Variants in PIK3C2G observed in about 807,000 individuals in gnomAD.
PIK3C2G encodes the protein phosphatidylinositol 3-kinase C2 domain-containing subunit gamma.
Under a neutral mutation model 181.1 loss-of-function variants are expected in PIK3C2G, and 168 were observed. That is an observed-to-expected ratio of 0.93 (90% CI 0.82 to 1.05). The LOEUF (loss-of-function observed/expected upper bound fraction) is 1.05, where lower values mean the gene tolerates loss of function less well. PIK3C2G is among the 50% of genes least tolerant of loss of function. The probability of loss-of-function intolerance (pLI) is 0.00; values close to 1 mark genes in which losing one functional copy is unlikely to be tolerated. For missense variants in PIK3C2G, 1,869 were observed against 1,732.8 expected (o/e 1.08, Z -1.40); for synonymous variants, 573 against 592.2 (o/e 0.97, Z 0.47).
rs112265088 is a variant in PIK3C2G at position 18,605,498 on chromosome 12, T to C, written c.4088-4037T>C. On this transcript the variant is annotated intron_variant, in intron 30 of 32. Transcript: ENST00000538779. Reference sequence around the variant, plus strand: ...ATCCTTTTGACACTATTCCACAAGATAGAGAAAGAAGGACCTCTCCCTAAT... The same window carrying C: ...ATCCTTTTGACACTATTCCACAAGACAGAGAAAGAAGGACCTCTCCCTAAT... Among the ~76,000 whole-genome samples the C allele has an allele frequency of 5.8e-3, 880 of 152,206 alleles. 4 individuals are homozygous for C. The highest frequency in any genetic ancestry group is 0.032 in the South Asian group (152 of 4,816).
chr12:18,262,614 C>CAA (rs778968769), intron 1 of PIK3C2G, among the ~76,000 whole-genome samples: 9,342 of 95,020 alleles, frequency 0.098, 812 homozygotes, highest in East Asian at 0.52. Context: ...AGTGAGCTGA[C>CAA]AAAAAAAAAA....
the PIK3C2G span, among the ~76,000 whole-genome samples, chr12:18,724,520 G>T: frequency 0.21 from 31,777 of 151,968 alleles, 3,577 homozygotes; most frequent in East Asian, 0.31. Flanking sequence ...AATGCAAGAA[G>T]CATGTGTTGA....
At chr12:18,383,400 G>A (rs1369825468) in intron 14 of PIK3C2G, among the ~76,000 whole-genome samples, 1 of 152,150 alleles carries the variant, frequency 6.6e-6, no homozygotes, top group African/African-American at 2.4e-5. Flanking sequence ...AACACAGCGA[G>A]AATAGCAATG....
At chr12:18,704,906 T>A in the PIK3C2G span, among the ~76,000 whole-genome samples, 1 of 152,132 alleles carries the variant, frequency 6.6e-6, no homozygotes. Context: ...TACTAATTGC[T>A]TTGATATTGT....
the PIK3C2G span, among the ~76,000 whole-genome samples, chr12:18,659,616 C>A: frequency 4.7e-5 from 7 of 150,442 alleles, no homozygotes; most frequent in South Asian, 1.5e-3. Context: ...ATTTCATTTA[C>A]GTGTCAGGCC....
chr12:18,524,080 T>C (rs557553660), intron 24 of PIK3C2G, among the ~76,000 whole-genome samples: 2 of 152,340 alleles, frequency 1.3e-5, no homozygotes, highest in South Asian at 4.1e-4. Flanking sequence ...TTTCTTTTTT[T>C]CTAAATGAGC....
chr12:18,291,189 A>G (rs927024218), intron 4 of PIK3C2G, among the ~76,000 whole-genome samples, 177 bp downstream of exon 4: 21 of 152,212 alleles, frequency 1.4e-4, no homozygotes, highest in African/African-American at 4.6e-4. Context: ...GGAAAGCAAA[A>G]CTATTTTCTT....
intron 14 of PIK3C2G, among the ~76,000 whole-genome samples, chr12:18,387,448 G>A (rs2138018019): frequency 6.6e-6 from 1 of 152,212 alleles, no homozygotes; most frequent in South Asian, 2.1e-4. Context: ...TGAAAATGCT[G>A]TCGTTTCTGA....
chr12:18,630,980 C>A (rs1949327316), intron 31 of PIK3C2G, among the ~76,000 whole-genome samples: 1 of 151,214 alleles, frequency 6.6e-6, no homozygotes, highest in East Asian at 1.9e-4. Flanking sequence ...AAAATGCAGC[C>A]AGAGTTTAAA....
intron 15 of PIK3C2G, among the ~76,000 whole-genome samples, chr12:18,399,073 T>A (rs1324471319): frequency 6.7e-6 from 1 of 149,418 alleles, no homozygotes; most frequent in Non-Finnish European, 1.5e-5. Flanking sequence ...CGGGCGCCTG[T>A]AGTCCCAGCT....
intron 18 of PIK3C2G, among the ~76,000 whole-genome samples, chr12:18,451,591 G>A (rs1348718732): frequency 6.6e-6 from 1 of 152,068 alleles, no homozygotes; most frequent in African/African-American, 2.4e-5. Context: ...GATTGCCCTA[G>A]CCAGAACTTC....
chr12:18,511,236 CATTT>C (rs1438467050), intron 24 of PIK3C2G, among the ~76,000 whole-genome samples: 4 of 152,094 alleles, frequency 2.6e-5, no homozygotes, highest in Non-Finnish European at 4.4e-5. Flanking sequence ...CATTGATGGA[CATTT>C]ATTTGTTTCC....
chr12:18,345,508 G>A (rs1939586230), intron 10 of PIK3C2G, among the ~76,000 whole-genome samples: 1 of 152,142 alleles, frequency 6.6e-6, no homozygotes, highest in South Asian at 2.1e-4. Flanking sequence ...ATTATAGACA[G>A]ACGTACTGAG....
intron 6 of PIK3C2G, among the ~76,000 whole-genome samples, chr12:18,316,916 G>A (rs1289051454): frequency 4.0e-5 from 6 of 151,830 alleles, no homozygotes; most frequent in Admixed American, 3.9e-4. Context: ...TTCAGGGGAT[G>A]CAACTGACAC....
At chr12:18,694,357 A>G in the PIK3C2G span, among the ~76,000 whole-genome samples, 1 of 152,186 alleles carries the variant, frequency 6.6e-6, no homozygotes, top group Admixed American at 6.5e-5. Flanking sequence ...TGCAGAGGAA[A>G]AGGGAATATG....
At chr12:18,639,556 G>A (rs559937680) in intron 31 of PIK3C2G, among the ~76,000 whole-genome samples, 1 of 152,230 alleles carries the variant, frequency 6.6e-6, no homozygotes, top group Admixed American at 6.5e-5. Flanking sequence ...TTACTCTACA[G>A]TTGGTCAAGA....
chr12:18,257,470 T>C (rs910445162), upstream of PIK3C2G, among the ~76,000 whole-genome samples: 5 of 152,062 alleles, frequency 3.3e-5, no homozygotes, highest in Non-Finnish European at 7.4e-5. Flanking sequence ...CTATTGCAGA[T>C]GAACAATCCA....
At chr12:18,625,806 A>C (rs1949071262) in intron 31 of PIK3C2G, among the ~76,000 whole-genome samples, 1 of 151,782 alleles carries the variant, frequency 6.6e-6, no homozygotes. Context: ...TTTTATTTAA[A>C]GTCTATTTTG....
At chr12:18,257,457 G>A (rs1217439061), upstream of PIK3C2G, among the ~76,000 whole-genome samples, 1 of 152,012 alleles carries the variant, frequency 6.6e-6, no homozygotes, top group African/African-American at 2.4e-5. Flanking sequence ...ATCACCACTG[G>A]GACTATTGCA....
Sources: allele counts gnomAD v4.1 joint callset (sites outside exome capture counted in the v4.1 genomes callset), GRCh38; gene constraint gnomAD v4.1.1; transcripts MANE v1.5; gene names NCBI Gene and HGNC (gene_info 2026-07-23, HGNC 2026-07-21).